The following DYRK1A variants were observed in gnomAD, a reference collection of about 807,000 sequenced individuals.
DYRK1A encodes dual specificity tyrosine phosphorylation regulated kinase 1A.
In DYRK1A, 9 loss-of-function variants were observed where a neutral mutation model predicts 79.7. That is an observed-to-expected ratio of 0.11 (90% CI 0.07 to 0.20). DYRK1A has a LOEUF of 0.20. Ranked by LOEUF, DYRK1A falls within the 10% of genes least tolerant of loss-of-function variation. The pLI, the probability that DYRK1A is intolerant of heterozygous loss-of-function variation, is 1.00. For synonymous variants in DYRK1A, 349 were observed against 329.7 expected (o/e 1.06, Z -0.63); for missense variants, 622 against 956.0 (o/e 0.65, Z 4.61).
At chr21:37,462,572 T>C (rs2051877687) in intron 2 of DYRK1A, among the ~76,000 whole-genome samples, 1 of 152,170 alleles carries the variant, frequency 6.6e-6, no homozygotes, top group Non-Finnish European at 1.5e-5. Context: ...TCATGGTCCT[T>C]CTCCCAGTGC....
chr21:37,419,752 A>C (rs2050428086), intron 1 of DYRK1A: 1 of 152,194 alleles, frequency 6.6e-6, no homozygotes, highest in Admixed American at 6.5e-5. Flanking sequence ...GTACTGTAAA[A>C]GAATTACAAT....
chr21:37,450,812 C>A (rs1041231275), intron 2 of DYRK1A, among the ~76,000 whole-genome samples: 1 of 152,190 alleles, frequency 6.6e-6, no homozygotes, highest in Admixed American at 6.5e-5. Context: ...ACCAGTACTT[C>A]CCTCCAAAGC....
chr21:37,374,964 G>A (rs937786948), intron 1 of DYRK1A: 3 of 152,236 alleles, frequency 2.0e-5, no homozygotes, highest in Non-Finnish European at 2.9e-5. Flanking sequence ...GTGCAGAGAA[G>A]CTGAGTGACT....
In DYRK1A at chr21:37,475,073, A is replaced by T. The variant is rs374810566; in HGVS notation, c.207+2193A>T. ...AAAGAATCTTTTCAGGACAAAAGTT[A>T]ATTATTGTTTTAGCTCTTATAACTG... is the stretch of plus-strand genomic sequence containing the variant. On this transcript the variant is annotated intron_variant, in intron 3 of 11. Transcript: ENST00000647188. 9.6e-3 allele frequency among the ~76,000 whole-genome samples: 1,465 copies of T among 152,352 alleles called. 22 individuals are homozygous for T. Among genetic ancestry groups the T allele is most frequent in the African/African-American group, 0.034 (1,402 of 41,582 alleles).
rs549363979 is a variant in DYRK1A, at chr21:37,388,481, A to G, written c.-77+20853A>G. Among the ~76,000 whole-genome samples, 68 of 152,196 alleles carry G rather than the reference A, an allele frequency of 4.5e-4. 2 individuals carry two copies. Among genetic ancestry groups the G allele is most frequent in the Non-Finnish European group, 2.1e-4 (14 of 68,034 alleles). ...AAAAGATAAGGATGCTGTAGCACCA[A>G]TTCCTTTGTCATACCTTTAAAAGGT... is the stretch of plus-strand genomic sequence containing the variant. On this transcript the variant is annotated intron_variant, in intron 1 of 11. Coordinates refer to ENST00000647188, the MANE Select transcript of DYRK1A (RefSeq NM_001347721.2).
intron 1 of DYRK1A, among the ~76,000 whole-genome samples, chr21:37,387,799 A>G (rs2835709): frequency 0.19 from 28,155 of 152,170 alleles, 2,859 homozygotes; most frequent in East Asian, 0.36. Context: ...CATTTTTAAA[A>G]GTTTTGACTG....
chr21:37,448,991 C>T (rs114493095), intron 2 of DYRK1A, among the ~76,000 whole-genome samples: 104 of 152,274 alleles, frequency 6.8e-4, no homozygotes, highest in African/African-American at 2.4e-3. Flanking sequence ...AGCCACCATG[C>T]GTGGACCTAG....
At chr21:37,417,529 C>CTTTTTCTTTTTCTTTTT (rs1555959239) in intron 1 of DYRK1A, among the ~76,000 whole-genome samples, 3 of 44,070 alleles carry the variant, frequency 6.8e-5, no homozygotes, top group East Asian at 1.3e-3. Flanking sequence ...TTTTCTTTTT[C>CTTTTTCTTTTTCTTTTT]TTTTTTTTTT....
intron 1 of DYRK1A, among the ~76,000 whole-genome samples, chr21:37,393,889 C>A (rs955202151): frequency 2.0e-5 from 3 of 152,206 alleles, no homozygotes; most frequent in African/African-American, 7.2e-5. Flanking sequence ...ACAGCTGTGA[C>A]TGGTTTCCCC....
At chr21:37,487,904 A>G (rs1426398482) in intron 6 of DYRK1A, 1 of 152,128 alleles carries the variant, frequency 6.6e-6, no homozygotes, top group Non-Finnish European at 1.5e-5. Flanking sequence ...ACATGAGGTG[A>G]CCCATTTCCA....
chr21:37,414,987 C>A (rs1376143963), intron 1 of DYRK1A, among the ~76,000 whole-genome samples: 2 of 152,124 alleles, frequency 1.3e-5, no homozygotes, highest in Non-Finnish European at 2.9e-5. Context: ...TGATAACTTA[C>A]CCCCAGAAAC....
At chr21:37,442,713 A>G (rs750625150) in intron 2 of DYRK1A, among the ~76,000 whole-genome samples, 1 of 152,148 alleles carries the variant, frequency 6.6e-6, no homozygotes, top group African/African-American at 2.4e-5. Context: ...TGCTGGGATT[A>G]TAGGTGTGAG....
chr21:37,465,158 A>G (rs190619493), intron 2 of DYRK1A, among the ~76,000 whole-genome samples: 19 of 152,344 alleles, frequency 1.2e-4, no homozygotes, highest in Non-Finnish European at 2.6e-4. Flanking sequence ...CACTTTCACT[A>G]AATAACTGAT....
chr21:37,477,731 T>G (rs117950500), intron 3 of DYRK1A, among the ~76,000 whole-genome samples: 1 of 152,110 alleles, frequency 6.6e-6, no homozygotes, highest in Non-Finnish European at 1.5e-5. Context: ...CCAGCCCCCT[T>G]TTTTGGTGCC....
At chr21:37,423,530 A>G (rs911694887) in intron 2 of DYRK1A, among the ~76,000 whole-genome samples, 1 of 152,170 alleles carries the variant, frequency 6.6e-6, no homozygotes, top group Non-Finnish European at 1.5e-5. Flanking sequence ...TATATAAAGA[A>G]ACCTGTGTAA....
chr21:37,406,731 G>GTATATCTCTA (rs56814548), intron 1 of DYRK1A, among the ~76,000 whole-genome samples: 21,735 of 97,684 alleles, frequency 0.22, 2,155 homozygotes, highest in African/African-American at 0.36. Context: ...TTATATCTAT[G>GTATATCTCTA]TATATCTCTA....
At chr21:37,379,611 T>A (rs748679400) in intron 1 of DYRK1A, among the ~76,000 whole-genome samples, 2 of 152,196 alleles carry the variant, frequency 1.3e-5, no homozygotes, top group Non-Finnish European at 2.9e-5. Context: ...CCATTAAATA[T>A]GAGCTAAAAA....
intron 1 of DYRK1A, among the ~76,000 whole-genome samples, chr21:37,384,591 C>A (rs1445289516): frequency 1.3e-5 from 2 of 152,092 alleles, no homozygotes; most frequent in African/African-American, 4.8e-5. Context: ...TATAACAGAT[C>A]CCAATATTAA....
chr21:37,377,184 A>G (rs1020224035), intron 1 of DYRK1A, among the ~76,000 whole-genome samples: 4 of 152,174 alleles, frequency 2.6e-5, no homozygotes, highest in Non-Finnish European at 5.9e-5. Flanking sequence ...CAGTGGCGCA[A>G]TCTCGGCTCA....
Sources: allele counts gnomAD v4.1 joint callset (sites outside exome capture counted in the v4.1 genomes callset), GRCh38; gene constraint gnomAD v4.1.1; transcripts MANE v1.5; gene names NCBI Gene and HGNC (gene_info 2026-07-23, HGNC 2026-07-21).